Variants in DLG2 observed in about 807,000 individuals in gnomAD.
The protein encoded by DLG2 is discs large MAGUK scaffold protein 2.
DLG2 carries 45 observed loss-of-function variants against 132.5 expected under a neutral mutation model. That is an observed-to-expected ratio of 0.34 (90% CI 0.27 to 0.44). The LOEUF is 0.44. DLG2 is among the 20% of genes least tolerant of loss of function. The pLI, the probability that DLG2 is intolerant of heterozygous loss-of-function variation, is 1.00. For synonymous variants in DLG2, 424 were observed against 419.6 expected, an observed-to-expected ratio of 1.01 and a Z score of -0.13; for missense variants, 1,045 against 1,196.9, an observed-to-expected ratio of 0.87 and a Z score of 1.87.
At chr11:83,561,970 C>T (rs1017411391) in intron 19 of DLG2, among the ~76,000 whole-genome samples, 1 of 130,892 alleles carries the variant, frequency 7.6e-6, no homozygotes, top group South Asian at 2.4e-4. Flanking sequence ...CTTACTGCAA[C>T]CTTCACCTCC....
chr11:84,809,694 TA>T (rs2076360185), intron 6 of DLG2, among the ~76,000 whole-genome samples: 1 of 151,970 alleles, frequency 6.6e-6, no homozygotes. Context: ...ATACTTATTC[TA>T]AATAAATACT....
At chr11:84,214,902 C>T (rs2096815600) in intron 8 of DLG2, among the ~76,000 whole-genome samples, 1 of 151,976 alleles carries the variant, frequency 6.6e-6, no homozygotes, top group South Asian at 2.1e-4. Context: ...TAAATATATC[C>T]ATTTGATGAA....
At chr11:85,446,033 CTTTG>C (rs771322027) in intron 3 of DLG2, among the ~76,000 whole-genome samples, 4 of 152,182 alleles carry the variant, frequency 2.6e-5, no homozygotes, top group Non-Finnish European at 5.9e-5. Context: ...CAACTTGTGG[CTTTG>C]TTTGTTAAAA....
chr11:85,330,445 C>A (rs1181904949), intron 3 of DLG2, among the ~76,000 whole-genome samples: 4 of 28,240 alleles, frequency 1.4e-4, no homozygotes, highest in South Asian at 2.1e-3. Context: ...TACTATGCAG[C>A]CATAAAAAAT....
At chr11:84,304,663 A>G (rs1205779468) in intron 7 of DLG2, among the ~76,000 whole-genome samples, 1 of 152,248 alleles carries the variant, frequency 6.6e-6, no homozygotes, top group East Asian at 1.9e-4. Context: ...CTGTGTTCTA[A>G]TAAAATTTAT....
intron 18 of DLG2, among the ~76,000 whole-genome samples, chr11:83,657,556 T>TTTG (rs2072930505): frequency 6.8e-6 from 1 of 146,036 alleles, no homozygotes; most frequent in African/African-American, 2.6e-5. Context: ...TTTTTTTTTT[T>TTTG]GAGATGGAGT....
At chr11:83,743,429 A>ATTTTCTTTTTTTTTTTTTT (rs374206299) in intron 18 of DLG2, among the ~76,000 whole-genome samples, 9 of 103,788 alleles carry the variant, frequency 8.7e-5, no homozygotes, top group African/African-American at 1.7e-4. Context: ...TGGGCAGGCC[A>ATTTTCTTTTTTTTTTTTTT]TTTTTTTTTT....
chr11:85,613,527 G>C (rs2081143915), intron 2 of DLG2, among the ~76,000 whole-genome samples: 1 of 152,156 alleles, frequency 6.6e-6, no homozygotes, highest in South Asian at 2.1e-4. Context: ...TTTCTGTATA[G>C]CTAAAGGATT....
At chr11:85,131,455 A>G (rs1395459268) in intron 5 of DLG2, among the ~76,000 whole-genome samples, 15 of 152,196 alleles carry the variant, frequency 9.9e-5, no homozygotes, top group Admixed American at 9.8e-4. Flanking sequence ...ATTTAAGAGG[A>G]TATTTCCTTT....
At chr11:85,416,442 T>C (rs1220230297) in intron 3 of DLG2, among the ~76,000 whole-genome samples, 3 of 152,312 alleles carry the variant, frequency 2.0e-5, no homozygotes, top group African/African-American at 7.2e-5. Flanking sequence ...TTTGGTTCCA[T>C]ATAAAATTTA....
intron 6 of DLG2, among the ~76,000 whole-genome samples, chr11:84,999,502 C>T (rs1009155795): frequency 3.9e-5 from 6 of 152,040 alleles, no homozygotes; most frequent in Non-Finnish European, 7.4e-5. Flanking sequence ...TGTAGACATC[C>T]ATGGAATAAA....
intron 6 of DLG2, among the ~76,000 whole-genome samples, chr11:85,032,596 T>TTA (rs1366444996): frequency 3.3e-5 from 5 of 152,208 alleles, no homozygotes; most frequent in African/African-American, 1.2e-4. Flanking sequence ...AAATATATTT[T>TTA]TACAAAGGCA....
chr11:85,533,980 T>G (rs1252239702), intron 3 of DLG2, among the ~76,000 whole-genome samples: 1 of 152,172 alleles, frequency 6.6e-6, no homozygotes, highest in African/African-American at 2.4e-5. Flanking sequence ...GCTCTCTGGT[T>G]TTTTGTTTTT....
At chr11:84,929,697 G>A (rs1403961669) in intron 6 of DLG2, among the ~76,000 whole-genome samples, 1 of 152,082 alleles carries the variant, frequency 6.6e-6, no homozygotes, top group Non-Finnish European at 1.5e-5. Flanking sequence ...AAACTTCAGT[G>A]TATATCAACT....
intron 9 of DLG2, among the ~76,000 whole-genome samples, chr11:84,138,142 C>G (rs1240655519): frequency 6.6e-6 from 1 of 152,128 alleles, no homozygotes; most frequent in African/African-American, 2.4e-5. Flanking sequence ...GCTATGTATG[C>G]AATCTTATAC....
At chr11:84,762,576 A>G (rs2067784158) in intron 6 of DLG2, among the ~76,000 whole-genome samples, 1 of 152,232 alleles carries the variant, frequency 6.6e-6, no homozygotes, top group Non-Finnish European at 1.5e-5. Context: ...TGACTACAAC[A>G]AGCATAGAGA....
intron 6 of DLG2, among the ~76,000 whole-genome samples, chr11:84,806,538 G>A (rs1256436264): frequency 1.3e-5 from 2 of 152,052 alleles, no homozygotes; most frequent in African/African-American, 4.8e-5. Flanking sequence ...CAATATTTTC[G>A]ACTGCTGAAA....
At chr11:84,083,113 C>T (rs994506263) in intron 10 of DLG2, among the ~76,000 whole-genome samples, 6 of 152,046 alleles carry the variant, frequency 3.9e-5, no homozygotes, top group Admixed American at 2.6e-4. Context: ...AACCCCATCT[C>T]TATTGAAAAT....
chr11:84,747,926 T>C (rs980004901), intron 6 of DLG2, among the ~76,000 whole-genome samples: 2 of 152,164 alleles, frequency 1.3e-5, no homozygotes, highest in African/African-American at 2.4e-5. Context: ...GCCCCACTTA[T>C]CTGCACTTCT....
Sources: gnomAD v4.1 joint callset for allele counts (sites outside exome capture counted in the v4.1 genomes callset) on GRCh38, gnomAD v4.1.1 for gene constraint, MANE v1.5 for transcripts, NCBI Gene and HGNC (gene_info 2026-07-23, HGNC 2026-07-21) for gene names.